The following CADPS variants were observed in gnomAD, a reference collection of about 807,000 sequenced individuals.
The protein encoded by CADPS is calcium-dependent secretion activator 1.
CADPS carries 57 observed loss-of-function variants against 167.3 expected under a neutral mutation model. That is an observed-to-expected ratio of 0.34 (90% confidence interval 0.28 to 0.42). The LOEUF is 0.42. Among genes scored for constraint, CADPS ranks in the 20% least tolerant of loss-of-function variants. The pLI is 1.00. For missense variants in CADPS, 1,414 were observed against 1,738.1 expected (o/e 0.81, Z 3.32); for synonymous variants, 676 against 635.3 (o/e 1.06, Z -0.96).
chr3:62,606,204 C>A (rs1293555474), intron 6 of CADPS, among the ~76,000 whole-genome samples: 1 of 152,112 alleles, frequency 6.6e-6, no homozygotes, highest in Non-Finnish European at 1.5e-5. Flanking sequence ...CTCCTTTTGG[C>A]CTCTGCTATG....
At chr3:62,400,615 T>TTTG (rs1705638969) in intron 29 of CADPS, among the ~76,000 whole-genome samples, 1 of 150,824 alleles carries the variant, frequency 6.6e-6, no homozygotes, top group African/African-American at 2.4e-5. Flanking sequence ...TTTTTTTTTT[T>TTTG]TCAAGATGGC....
Position 62,411,494 on chromosome 3 carries a change from A to G in CADPS, c.3778-8309T>C, listed in dbSNP as rs200027426. Among the ~76,000 whole-genome samples, 9 of 152,246 alleles carry G rather than the reference A, an allele frequency of 5.9e-5. No individual in the cohort carries two copies. In the East Asian group the frequency reaches 1.7e-3, roughly 29 times the overall value. On this transcript the variant is annotated intron_variant, in intron 28 of 29. Coordinates refer to ENST00000383710, the MANE Select transcript of CADPS (RefSeq NM_003716.4). ...TTCAATTGCTATATTGAAATACTGT[A>G]ATGAAATATTTTATGTTTGAAGCTT...
At chr3:62,729,267 C>A (rs1353471192) in intron 3 of CADPS, among the ~76,000 whole-genome samples, 4 of 151,816 alleles carry the variant, frequency 2.6e-5, no homozygotes, top group African/African-American at 9.7e-5. Context: ...TGATCACCCT[C>A]ATAATGGAAT....
intron 6 of CADPS, among the ~76,000 whole-genome samples, chr3:62,629,764 T>TTTTG (rs1023430495): frequency 6.6e-6 from 1 of 151,982 alleles, no homozygotes; most frequent in African/African-American, 2.4e-5. Flanking sequence ...ACAGTTTTTT[T>TTTTG]TTTGTTTGTT....
chr3:62,532,760 C>A, intron 13 of CADPS, 111 bp downstream of exon 13: 1 of 805,980 alleles, frequency 1.2e-6, no homozygotes, highest in Non-Finnish European at 2.0e-6. Context: ...TACGTGTGCA[C>A]ATACCACCGA....
Position 62,856,535 on chromosome 3 carries a change from C to A in CADPS, c.441+18054G>T, listed in dbSNP as rs75770838. Among the ~76,000 whole-genome samples the A allele has an allele frequency of 0.012, 1,816 of 151,980 alleles. 91 individuals carry two copies. In the East Asian group the frequency reaches 0.18, roughly 15 times the overall value. On this transcript the variant is annotated intron_variant, in intron 1 of 29. Coordinates refer to ENST00000383710, the MANE Select transcript of CADPS (RefSeq NM_003716.4). ...AAGAATAAAAAAATGCAAGAAGAGT[C>A]ATGGATATTCTGAAAAGTATAATAA...
intron 6 of CADPS, among the ~76,000 whole-genome samples, chr3:62,643,868 T>A (rs1238487258): frequency 1.3e-5 from 2 of 152,274 alleles, no homozygotes; most frequent in East Asian, 3.9e-4. Context: ...CATAAGAGCA[T>A]GGAAAACGAT....
At chr3:62,459,985 G>A (rs1347417439) in intron 26 of CADPS, among the ~76,000 whole-genome samples, 1 of 152,196 alleles carries the variant, frequency 6.6e-6, no homozygotes, top group Non-Finnish European at 1.5e-5. Flanking sequence ...CTTTCCCTTA[G>A]AAGTAGTATC....
intron 6 of CADPS, among the ~76,000 whole-genome samples, chr3:62,634,370 C>T (rs1305153274): frequency 6.6e-6 from 1 of 152,252 alleles, no homozygotes; most frequent in South Asian, 2.1e-4. Flanking sequence ...ACAATTTTTA[C>T]ATGTTAACAT....
chr3:62,581,309 A>G (rs2083387619), intron 8 of CADPS, among the ~76,000 whole-genome samples: 2 of 151,844 alleles, frequency 1.3e-5, no homozygotes, highest in South Asian at 4.2e-4. Context: ...TTCCCCTAAA[A>G]CCATAATTAT....
intron 3 of CADPS, among the ~76,000 whole-genome samples, chr3:62,689,497 T>C (rs2078699526): frequency 6.6e-6 from 1 of 152,102 alleles, no homozygotes; most frequent in African/African-American, 2.4e-5. Flanking sequence ...AGACTTTCAC[T>C]TGAATGCCAG....
In CADPS at chr3:62,455,089, C is replaced by A. The variant is rs76364029; in HGVS notation, c.3637-9292G>T. ...TCCTGTTGTTCAGGGTACTGTGCTCCGAGACTAGATCCAGGAAGTGTATGT... is the reference window on the plus strand; with the variant it reads ...TCCTGTTGTTCAGGGTACTGTGCTCAGAGACTAGATCCAGGAAGTGTATGT... On this transcript the variant is annotated intron_variant, in intron 26 of 29. Transcript: ENST00000383710. The surrounding 1 kb of genome is among the most constrained non-coding windows in gnomAD (Gnocchi z 4.4). Among the ~76,000 whole-genome samples, 1 of 151,540 alleles carries A rather than the reference C, an allele frequency of 6.6e-6. No individual in the cohort carries two copies. Among genetic ancestry groups the A allele is most frequent in the Non-Finnish European group, 1.5e-5 (1 of 67,874 alleles).
chr3:62,828,152 A>C (rs2074401504), intron 1 of CADPS, among the ~76,000 whole-genome samples: 1 of 152,100 alleles, frequency 6.6e-6, no homozygotes, highest in Non-Finnish European at 1.5e-5. Context: ...AACATTTTTA[A>C]TAATTGTGCC....
chr3:62,683,725 C>T (rs1460275897), intron 3 of CADPS, among the ~76,000 whole-genome samples: 7 of 152,020 alleles, frequency 4.6e-5, no homozygotes, highest in Non-Finnish European at 8.8e-5. Context: ...AGGTCTCAGA[C>T]TCCTTGGGCT....
chr3:62,507,374 T>C (rs1046523113), intron 17 of CADPS, among the ~76,000 whole-genome samples: 1 of 152,078 alleles, frequency 6.6e-6, no homozygotes, highest in Non-Finnish European at 1.5e-5. Flanking sequence ...TTTACTATCA[T>C]CATCAGATTG....
chr3:62,409,584 C>T (rs2048564072), intron 28 of CADPS, among the ~76,000 whole-genome samples: 1 of 152,174 alleles, frequency 6.6e-6, no homozygotes, highest in African/African-American at 2.4e-5. Context: ...CCGAAGGCTA[C>T]CATTTCTTGA....
intron 3 of CADPS, among the ~76,000 whole-genome samples, chr3:62,671,997 G>T (rs1000807884): frequency 6.6e-6 from 1 of 151,890 alleles, no homozygotes; most frequent in Non-Finnish European, 1.5e-5. Context: ...GGCCCGGATG[G>T]TCTCGATCTC....
intron 24 of CADPS, 72 bp downstream of exon 24, chr3:62,474,101 A>G (rs2060950334): frequency 1.8e-6 from 2 of 1,091,494 alleles, no homozygotes; most frequent in African/African-American, 1.7e-5. Flanking sequence ...GATGGAAGGA[A>G]TTTGTGAAGT....
chr3:62,647,946 C>A (rs530814404), intron 5 of CADPS, among the ~76,000 whole-genome samples: 1 of 152,302 alleles, frequency 6.6e-6, no homozygotes, highest in South Asian at 2.1e-4. Flanking sequence ...ATGCCCTTTG[C>A]CCTTTGTCCT....
Sources: gnomAD v4.1 joint callset for allele counts (sites outside exome capture counted in the v4.1 genomes callset) on GRCh38, gnomAD v4.1.1 for gene constraint, Gnocchi (gnomAD v3.1) non-coding constraint, MANE v1.5 for transcripts, NCBI Gene and HGNC (gene_info 2026-07-23, HGNC 2026-07-21) for gene names.